Variants in PDE4D observed in about 807,000 individuals in gnomAD.
PDE4D encodes the protein 3',5'-cyclic-AMP phosphodiesterase 4D.
PDE4D carries 24 observed loss-of-function variants against 87.4 expected under a neutral mutation model. That is an observed-to-expected ratio of 0.27 (90% CI 0.20 to 0.39). The LOEUF (loss-of-function observed/expected upper bound fraction) is 0.39, where lower values mean the gene tolerates loss of function less well. PDE4D is among the 10% of genes least tolerant of loss of function. PDE4D has a pLI of 1.00. For synonymous variants in PDE4D, 384 were observed against 383.2 expected, an observed-to-expected ratio of 1.00 and a Z score of -0.02; for missense variants, 714 against 1,041.0, an observed-to-expected ratio of 0.69 and a Z score of 4.32.
chr5:60,087,353 G>A (rs1562076323), intron 2 of PDE4D, among the ~76,000 whole-genome samples: 1 of 152,066 alleles, frequency 6.6e-6, no homozygotes, highest in Non-Finnish European at 1.5e-5. Context: ...AAGGATTGTG[G>A]AAACTCAGGG....
rs143574273 is a variant in PDE4D at position 59,073,141 on chromosome 5, T to C, written c.809-34170A>G. Among the ~76,000 whole-genome samples the C allele has an allele frequency of 1.8e-4, 27 of 152,280 alleles. No individual in the cohort carries two copies. In the East Asian group the frequency reaches 4.6e-3, roughly 26 times the overall value. On this transcript the variant is annotated intron_variant, in intron 5 of 14. Transcript: ENST00000340635. The stretch of plus-strand genomic sequence containing the variant: ...AACAGTTGGTAAGTATGAAGCATCA[T>C]CTCTCTGAGAACAAAATACCAAGGA...
chr5:60,210,113 A>T (rs979544945), intron 1 of PDE4D, among the ~76,000 whole-genome samples: 4 of 152,146 alleles, frequency 2.6e-5, no homozygotes, highest in African/African-American at 9.7e-5. Context: ...TTGGGAAAAA[A>T]ATAATACTGC....
chr5:60,229,186 A>G lies in PDE4D; in HGVS notation c.-89-43499T>C, dbSNP rs1021967404. Among the ~76,000 whole-genome samples, 3 of 152,154 alleles carry G rather than the reference A, an allele frequency of 2.0e-5. No homozygotes were observed. The South Asian group carries it at 6.2e-4, about 31-fold the overall frequency. ...AAGACTATAATTTAATAGTAGAAGTATATGTGGCTCACCATTCATAAAAAA... is the reference window on the plus strand; with the variant it reads ...AAGACTATAATTTAATAGTAGAAGTGTATGTGGCTCACCATTCATAAAAAA... On this transcript the variant is annotated intron_variant, in intron 1 of 16. Transcript: ENST00000502484.
chr5:59,006,061 C>T (rs1299949974), intron 6 of PDE4D, among the ~76,000 whole-genome samples: 1 of 152,176 alleles, frequency 6.6e-6, no homozygotes, highest in African/African-American at 2.4e-5. Flanking sequence ...TTTGGGAGCG[C>T]TATGTGAACA....
chr5:59,160,195 C>T (rs1193462088), intron 5 of PDE4D, among the ~76,000 whole-genome samples: 2 of 152,124 alleles, frequency 1.3e-5, no homozygotes, highest in Admixed American at 6.5e-5. Flanking sequence ...TTAAATTCAG[C>T]CTTAGAATCC....
chr5:60,336,929 C>T (rs1757800341), intron 1 of PDE4D, among the ~76,000 whole-genome samples: 1 of 152,090 alleles, frequency 6.6e-6, no homozygotes, highest in African/African-American at 2.4e-5. Context: ...TTCAGCAACT[C>T]TATTCCTAGA....
intron 1 of PDE4D, among the ~76,000 whole-genome samples, chr5:59,631,184 T>C (rs1489937803): frequency 6.6e-6 from 1 of 152,174 alleles, no homozygotes; most frequent in African/African-American, 2.4e-5. Flanking sequence ...CTATCAATTA[T>C]GTATTATTAC....
intron 1 of PDE4D, among the ~76,000 whole-genome samples, chr5:60,224,073 G>T (rs1358024193): frequency 1.3e-5 from 2 of 152,070 alleles, no homozygotes; most frequent in African/African-American, 4.8e-5. Flanking sequence ...GTCAACATTT[G>T]TCCATGCTAA....
At chr5:59,510,805 C>T (rs143695401) in intron 1 of PDE4D, among the ~76,000 whole-genome samples, 1 of 151,958 alleles carries the variant, frequency 6.6e-6, no homozygotes, top group East Asian at 1.9e-4. Context: ...AAAAGGAGCA[C>T]CAGTGAAAAG....
intron 1 of PDE4D, among the ~76,000 whole-genome samples, chr5:59,580,580 C>A (rs1269462551): frequency 6.6e-6 from 1 of 152,006 alleles, no homozygotes; most frequent in African/African-American, 2.4e-5. Context: ...GACACTCCCA[C>A]CTTAGCCTCC....
chr5:60,283,708 T>C (rs547643608), intron 1 of PDE4D, among the ~76,000 whole-genome samples: 3 of 152,074 alleles, frequency 2.0e-5, no homozygotes, highest in African/African-American at 4.8e-5. Flanking sequence ...AAAGAACACA[T>C]AAAAAAATTG....
intron 1 of PDE4D, among the ~76,000 whole-genome samples, chr5:60,238,139 C>T (rs1746635347): frequency 6.6e-6 from 1 of 151,692 alleles, no homozygotes; most frequent in South Asian, 2.1e-4. Context: ...AATATTAATC[C>T]CTCTGCAAGT....
intron 1 of PDE4D, among the ~76,000 whole-genome samples, chr5:59,511,941 T>G (rs901525483): frequency 6.6e-5 from 10 of 152,086 alleles, no homozygotes; most frequent in Admixed American, 5.2e-4. Flanking sequence ...ATGAGGCTTT[T>G]AAAAAATGTG....
intron 1 of PDE4D, among the ~76,000 whole-genome samples, chr5:59,840,396 G>A (rs559588486): frequency 1.1e-3 from 162 of 152,062 alleles, no homozygotes; most frequent in African/African-American, 3.7e-3. Flanking sequence ...TCCTCTGTAA[G>A]CCTCATGAGA....
intron 1 of PDE4D, among the ~76,000 whole-genome samples, chr5:59,475,934 G>C (rs1803232328): frequency 6.6e-6 from 1 of 151,962 alleles, no homozygotes; most frequent in South Asian, 2.1e-4. Context: ...ATATAAAATA[G>C]AGTTATACAA....
At chr5:60,464,944 T>C (rs1490975774) in intron 1 of PDE4D, among the ~76,000 whole-genome samples, 2 of 151,836 alleles carry the variant, frequency 1.3e-5, no homozygotes, top group African/African-American at 4.8e-5. Context: ...TCTATAAACT[T>C]TTTTTTGTTT....
At chr5:59,490,742 C>G (rs1049004784) in intron 1 of PDE4D, among the ~76,000 whole-genome samples, 1 of 152,078 alleles carries the variant, frequency 6.6e-6, no homozygotes, top group Non-Finnish European at 1.5e-5. Flanking sequence ...TGATGTGGTA[C>G]AGAAAATAAT....
intron 6 of PDE4D, among the ~76,000 whole-genome samples, chr5:59,007,192 T>C (rs1469206204): frequency 1.3e-5 from 2 of 152,212 alleles, no homozygotes; most frequent in African/African-American, 2.4e-5. Flanking sequence ...GCAGTAGCAC[T>C]GTTTGCAGTA....
intron 1 of PDE4D, among the ~76,000 whole-genome samples, chr5:59,593,258 C>A: frequency 6.7e-6 from 1 of 149,214 alleles, no homozygotes; most frequent in South Asian, 2.1e-4. Context: ...AAATAAAGCC[C>A]AACTTCAAAA....
Sources: allele counts gnomAD v4.1 joint callset (sites outside exome capture counted in the v4.1 genomes callset), GRCh38; gene constraint gnomAD v4.1.1; transcripts MANE v1.5; gene names NCBI Gene and HGNC (gene_info 2026-07-23, HGNC 2026-07-21).